KIF13A: variants seen among roughly 807,000 people sequenced by gnomAD.
The protein encoded by KIF13A is kinesin-like protein KIF13A.
In KIF13A, 79 loss-of-function variants were observed where a neutral mutation model predicts 212.2. The observed-to-expected ratio is 0.37, with a 90% confidence interval of 0.31 to 0.45. The LOEUF (loss-of-function observed/expected upper bound fraction) is 0.45, where lower values mean the gene tolerates loss of function less well. KIF13A is among the 20% of genes least tolerant of loss of function. The pLI is 1.00. For missense variants in KIF13A, 1,901 were observed against 2,209.0 expected (o/e 0.86, Z 2.79); for synonymous variants, 789 against 808.6 (o/e 0.98, Z 0.41).
chr6:17,973,273 C>T (rs1318631794), intron 2 of KIF13A, among the ~76,000 whole-genome samples: 4 of 152,176 alleles, frequency 2.6e-5, no homozygotes, highest in South Asian at 2.1e-4. Context: ...TATAAGATGA[C>T]TACTAATTAA....
At chr6:17,938,845 C>G (rs575516880) in intron 2 of KIF13A, among the ~76,000 whole-genome samples, 1 of 143,788 alleles carries the variant, frequency 7.0e-6, no homozygotes, top group South Asian at 2.2e-4. Flanking sequence ...TTTTACCCAG[C>G]AACGAAAAAG....
intron 2 of KIF13A, among the ~76,000 whole-genome samples, chr6:17,942,177 C>T: frequency 6.6e-6 from 1 of 151,840 alleles, no homozygotes; most frequent in Non-Finnish European, 1.5e-5. Flanking sequence ...TGGCATACAC[C>T]TATAGTCCCA....
chr6:17,806,818 G>A lies in KIF13A; in HGVS notation c.2164-1203C>T, dbSNP rs1029790146. Among the ~76,000 whole-genome samples the A allele has an allele frequency of 3.3e-5, 5 of 152,322 alleles. No individual in the cohort carries two copies. The South Asian group carries it at 1.0e-3, about 32-fold the overall frequency. On this transcript the variant is annotated intron_variant, in intron 18 of 38. Transcript: ENST00000259711. ...CACTTGAACCCGGGAGGCGGAGGTT[G>A]TAGTGAGCCAAGATCATGTCATTGC...
In KIF13A at chr6:17,789,111, C is replaced by T. The variant is rs765490517; in HGVS notation, c.3261+761G>A. ...GAGAATCCGTACAAAGACTGGGAAC[C>T]GAACCCAGAAAGCTTCATCTTGGTT... On this transcript the variant is annotated intron_variant, in intron 26 of 38. Coordinates refer to ENST00000259711, the MANE Select transcript of KIF13A (RefSeq NM_022113.6). This position sits in a 1 kb window ranked among gnomAD's most constrained non-coding sequence, Gnocchi z 4.8. Among the ~76,000 whole-genome samples the T allele has an allele frequency of 1.3e-5, 2 of 152,170 alleles. No homozygotes were observed. Among genetic ancestry groups the T allele is most frequent in the Non-Finnish European group, 2.9e-5 (2 of 68,038 alleles).
chr6:17,961,675 G>A lies in KIF13A; in HGVS notation c.146+25379C>T, dbSNP rs1229581684. On this transcript the variant is annotated intron_variant, in intron 2 of 38. Coordinates refer to ENST00000259711, the MANE Select transcript of KIF13A (RefSeq NM_022113.6). This position sits in a 1 kb window ranked among gnomAD's most constrained non-coding sequence, Gnocchi z 4.1. The stretch of plus-strand genomic sequence containing the variant: ...TATGTTCTTTTTGAGCAACTAGCTT[G>A]TTTTCTTCTTATATACAATTGTATA... 1.3e-5 allele frequency among the ~76,000 whole-genome samples: 2 copies of A among 152,176 alleles called. No individual in the cohort carries two copies. Among genetic ancestry groups the A allele is most frequent in the African/African-American group, 2.4e-5 (1 of 41,452 alleles).
intron 4 of KIF13A, among the ~76,000 whole-genome samples, chr6:17,865,129 G>C (rs1769227144): frequency 6.6e-6 from 1 of 152,148 alleles, no homozygotes; most frequent in Non-Finnish European, 1.5e-5. Context: ...GCCCATGGCT[G>C]AATAAAACAC....
chr6:17,891,276 C>T (rs1321563826), intron 3 of KIF13A, among the ~76,000 whole-genome samples: 1 of 152,096 alleles, frequency 6.6e-6, no homozygotes, highest in Non-Finnish European at 1.5e-5. Context: ...TGCAAATTTA[C>T]AAAATGTAAC....
intron 12 of KIF13A, among the ~76,000 whole-genome samples, chr6:17,832,101 A>C (rs1765503905): frequency 6.6e-6 from 1 of 152,098 alleles, no homozygotes; most frequent in Non-Finnish European, 1.5e-5. Flanking sequence ...ATCTATAAGA[A>C]ACACATCAGC....
intron 2 of KIF13A, among the ~76,000 whole-genome samples, chr6:17,903,612 A>G (rs903258500): frequency 2.0e-5 from 3 of 152,224 alleles, no homozygotes; most frequent in African/African-American, 7.2e-5. Context: ...CTCACAGAAC[A>G]GAGCGATCAA....
chr6:17,911,697 T>TA (rs34367781), intron 2 of KIF13A, among the ~76,000 whole-genome samples: 67,203 of 135,002 alleles, frequency 0.5, 17,909 homozygotes, highest in Non-Finnish European at 0.61. Context: ...GTTAATGGGT[T>TA]AAAAAAAAAA....
chr6:17,817,202 C>T lies in KIF13A; in HGVS notation c.1818G>A (p.Glu606=), dbSNP rs748013234. The T allele has an allele frequency of 1.4e-5, 22 of 1,613,922 alleles. No homozygotes were observed. The highest frequency in any genetic ancestry group is 1.9e-5 in the Non-Finnish European group (22 of 1,179,914). ...DPVQNVVQVL[E]KQYLEEKRSA... ...TTCTCTTTTCTTCTAGGTATTGTTT[C>T]TCCAGGACCTGAACCACATTTTGAA... Residue 606 remains glutamate, a synonymous_variant, in exon 17 of 39, where the codon GAG becomes GAA. Coordinates refer to ENST00000259711, the MANE Select transcript of KIF13A (RefSeq NM_022113.6).
chr6:17,948,841 C>CAA (rs908109666), intron 2 of KIF13A, among the ~76,000 whole-genome samples: 2 of 152,062 alleles, frequency 1.3e-5, no homozygotes, highest in African/African-American at 4.8e-5. Context: ...GCTAAGATTA[C>CAA]AAGCATGAGC....
At position 17,812,907 on chromosome 6, in the gene KIF13A, A is replaced by T. The variant is rs560575059; in HGVS notation, c.2001-3977T>A. ...GAGATGGTATCTCATTGTGGTTTTG[A>T]TTTGCATTTCCCTAGTCATTGGTGA... On this transcript the variant is annotated intron_variant, in intron 17 of 38. Coordinates refer to ENST00000259711, the MANE Select transcript of KIF13A (RefSeq NM_022113.6). Among the ~76,000 whole-genome samples the T allele has an allele frequency of 5.8e-3, 890 of 152,180 alleles. 12 individuals are homozygous for T. The highest frequency in any genetic ancestry group is 0.02 in the African/African-American group (826 of 41,512).
At chr6:17,815,070 G>A (rs1393474395) in intron 17 of KIF13A, among the ~76,000 whole-genome samples, 2 of 152,044 alleles carry the variant, frequency 1.3e-5, no homozygotes, top group South Asian at 2.1e-4. Flanking sequence ...ACCAATGACA[G>A]GAAGGTCACG....
At chr6:17,821,717 G>C in intron 16 of KIF13A, 2 of 1,499,126 alleles carry the variant, frequency 1.3e-6, no homozygotes, top group Non-Finnish European at 1.8e-6. Context: ...CATGGAGCAT[G>C]AGCATCAATC....
At position 17,879,143 on chromosome 6, in the gene KIF13A, C is replaced by A. The variant is rs142002572; in HGVS notation, c.160-5706G>T. Among the ~76,000 whole-genome samples, 851 of 152,246 alleles carry A rather than the reference C, an allele frequency of 5.6e-3. 13 individuals carry two copies. Among genetic ancestry groups the A allele is most frequent in the African/African-American group, 0.019 (787 of 41,542 alleles). ...AGTGATCTCCCAATCCCCTTTCCCT[C>A]CTATGAAATTTTACAGCAGTTTGTA... On this transcript the variant is annotated intron_variant, in intron 3 of 38. Transcript: ENST00000259711.
chr6:17,984,211 T>C lies in KIF13A; in HGVS notation c.146+2843A>G, dbSNP rs955555222. ...CACCAGCGTAATTTACCACGTTGTATTTTAACTACTTTTTCCTCTCTCTCC... is the reference window on the plus strand; with the variant it reads ...CACCAGCGTAATTTACCACGTTGTACTTTAACTACTTTTTCCTCTCTCTCC... On this transcript the variant is annotated intron_variant, in intron 2 of 38. Transcript: ENST00000259711. The surrounding 1 kb of genome is among the most constrained non-coding windows in gnomAD (Gnocchi z 5.0). Among the ~76,000 whole-genome samples the C allele has an allele frequency of 6.6e-6, 1 of 152,236 alleles. No homozygotes were observed. The highest frequency in any genetic ancestry group is 1.5e-5 in the Non-Finnish European group (1 of 68,044).
intron 4 of KIF13A, among the ~76,000 whole-genome samples, chr6:17,861,862 G>A (rs1768823061): frequency 6.6e-6 from 1 of 151,986 alleles, no homozygotes; most frequent in Non-Finnish European, 1.5e-5. Flanking sequence ...CTTATTCTTG[G>A]TCATACGAAA....
intron 2 of KIF13A, among the ~76,000 whole-genome samples, chr6:17,939,260 T>C (rs1352847193): frequency 6.6e-6 from 1 of 152,216 alleles, no homozygotes; most frequent in South Asian, 2.1e-4. Context: ...CTGGTGCATA[T>C]TTCAGTAACA....
Sources: allele counts gnomAD v4.1 joint callset (sites outside exome capture counted in the v4.1 genomes callset), GRCh38; gene constraint gnomAD v4.1.1; non-coding constraint Gnocchi (gnomAD v3.1); transcripts MANE v1.5; gene names NCBI Gene and HGNC (gene_info 2026-07-23, HGNC 2026-07-21).